Variants in NFIA observed in about 807,000 individuals in gnomAD.
NFIA encodes nuclear factor I A.
NFIA carries 8 observed loss-of-function variants against 62.8 expected under a neutral mutation model. The observed-to-expected ratio is 0.13, with a 90% confidence interval of 0.07 to 0.23. The LOEUF (loss-of-function observed/expected upper bound fraction) is 0.23, where lower values mean the gene tolerates loss of function less well. Among genes scored for constraint, NFIA ranks in the 10% least tolerant of loss-of-function variants. The pLI is 1.00. For synonymous variants in NFIA, 235 were observed against 238.1 expected (o/e 0.99, Z 0.12); for missense variants, 410 against 642.1 (o/e 0.64, Z 3.91).
At position 61,088,713 on chromosome 1, in the gene NFIA, C is replaced by G; in HGVS notation, c.559+33C>G. ...CGATGGTGAGAATTCCTCCCACTTT[C>G]TTGTGTGTGTTTCTTTCCTGATGGC... is the stretch of plus-strand genomic sequence containing the variant. On this transcript the variant is annotated intron_variant, in intron 2 of 10. Transcript: ENST00000403491. The surrounding 1 kb of genome is among the most constrained non-coding windows in gnomAD (Gnocchi z 4.5). 1 of 1,582,720 alleles carries G rather than the reference C, an allele frequency of 6.3e-7. No homozygotes were observed. Among genetic ancestry groups the G allele is most frequent in the Non-Finnish European group, 8.6e-7 (1 of 1,165,232 alleles).
At chr1:61,270,869 T>C (rs1451478713) in intron 2 of NFIA, among the ~76,000 whole-genome samples, 1 of 152,194 alleles carries the variant, frequency 6.6e-6, no homozygotes, top group Non-Finnish European at 1.5e-5. Flanking sequence ...ACACAGCGCC[T>C]CTTATGGGGA....
chr1:61,078,599 T>G (rs888906526), upstream of NFIA, among the ~76,000 whole-genome samples: 1 of 152,236 alleles, frequency 6.6e-6, no homozygotes, highest in Non-Finnish European at 1.5e-5. Context: ...CCTCTCTTCT[T>G]GAACTCTAAA....
At chr1:61,289,693 A>T (rs899426730) in intron 3 of NFIA, among the ~76,000 whole-genome samples, 1 of 152,216 alleles carries the variant, frequency 6.6e-6, no homozygotes, top group African/African-American at 2.4e-5. Context: ...TGTTCTGAGC[A>T]CAAACAACGT....
intron 2 of NFIA, among the ~76,000 whole-genome samples, chr1:61,109,321 C>G (rs1326956257): frequency 6.6e-6 from 1 of 151,826 alleles, no homozygotes; most frequent in East Asian, 1.9e-4. Flanking sequence ...CCCTCCATCT[C>G]TACAGATGGC....
intron 2 of NFIA, among the ~76,000 whole-genome samples, chr1:61,120,009 G>T (rs1236617376): frequency 6.6e-6 from 1 of 152,204 alleles, no homozygotes; most frequent in Admixed American, 6.5e-5. Context: ...ACATCGCAAA[G>T]AAATCTGATC....
At chr1:61,418,742 C>T (rs1375195235) in intron 9 of NFIA, among the ~76,000 whole-genome samples, 1 of 152,136 alleles carries the variant, frequency 6.6e-6, no homozygotes, top group Non-Finnish European at 1.5e-5. Context: ...TAATGAACAT[C>T]TTGTAGCATA....
chr1:61,266,243 A>G (rs533033564), intron 2 of NFIA, among the ~76,000 whole-genome samples: 26 of 152,152 alleles, frequency 1.7e-4, no homozygotes, highest in African/African-American at 6.3e-4. Flanking sequence ...GAAACATACC[A>G]TCTTCCAGTC....
intron 3 of NFIA, among the ~76,000 whole-genome samples, chr1:61,283,497 G>C (rs147253490): frequency 0.014 from 1,917 of 141,172 alleles, 50 homozygotes; most frequent in African/African-American, 0.048. Context: ...CAGGAGAATC[G>C]TATGAACCCA....
chr1:61,227,912 A>T (rs1335076728), intron 2 of NFIA, among the ~76,000 whole-genome samples: 1 of 152,140 alleles, frequency 6.6e-6, no homozygotes, highest in Non-Finnish European at 1.5e-5. Context: ...ATTATTATAA[A>T]TTTTTGTGCT....
chr1:61,344,425 C>T (rs527629618), intron 4 of NFIA, among the ~76,000 whole-genome samples: 153 of 152,314 alleles, frequency 1.0e-3, no homozygotes, highest in African/African-American at 3.6e-3. Context: ...CAAAGTCTCA[C>T]TGAGTGTTTT....
intron 2 of NFIA, among the ~76,000 whole-genome samples, chr1:61,154,608 G>T (rs751140511): frequency 6.6e-6 from 1 of 152,102 alleles, no homozygotes; most frequent in African/African-American, 2.4e-5. Flanking sequence ...ACGCCACCCT[G>T]CCTGGCTAAT....
chr1:61,095,273 A>G (rs942922349), intron 2 of NFIA, among the ~76,000 whole-genome samples: 1 of 152,226 alleles, frequency 6.6e-6, no homozygotes, highest in African/African-American at 2.4e-5. Flanking sequence ...GCAGGCACTG[A>G]GTAAGGTTTG....
intron 3 of NFIA, among the ~76,000 whole-genome samples, chr1:61,323,510 T>A (rs1660781956): frequency 6.6e-6 from 1 of 152,228 alleles, no homozygotes; most frequent in African/African-American, 2.4e-5. Flanking sequence ...TATCTGAATT[T>A]TTGCATTTCT....
chr1:61,094,040 A>G (rs1385175560), intron 2 of NFIA, among the ~76,000 whole-genome samples: 1 of 152,208 alleles, frequency 6.6e-6, no homozygotes, highest in Non-Finnish European at 1.5e-5. Context: ...ATTGCTCACA[A>G]ATGTCAATAT....
intron 6 of NFIA, among the ~76,000 whole-genome samples, chr1:61,374,924 A>C (rs900814565): frequency 1.3e-5 from 2 of 152,236 alleles, no homozygotes; most frequent in African/African-American, 2.4e-5. Flanking sequence ...GCTAATCATA[A>C]AAAATTATAT....
intron 6 of NFIA, among the ~76,000 whole-genome samples, chr1:61,361,334 GAA>G (rs1384569225): frequency 6.6e-6 from 1 of 152,170 alleles, no homozygotes; most frequent in Admixed American, 6.5e-5. Flanking sequence ...TAGTGCCAAT[GAA>G]AAGTTTATGT....
chr1:61,191,123 T>A (rs1433790135), intron 2 of NFIA, among the ~76,000 whole-genome samples: 1 of 152,066 alleles, frequency 6.6e-6, no homozygotes, highest in Non-Finnish European at 1.5e-5. Context: ...AATGTTACAA[T>A]GCTTAGCTAC....
intron 3 of NFIA, among the ~76,000 whole-genome samples, chr1:61,284,043 A>T (rs1658327770): frequency 6.6e-6 from 1 of 152,182 alleles, no homozygotes; most frequent in Non-Finnish European, 1.5e-5. Context: ...AATTTGCATG[A>T]CTTTCTTTTA....
intron 1 of NFIA, among the ~76,000 whole-genome samples, chr1:61,083,436 G>A (rs1359014882): frequency 6.6e-6 from 1 of 152,100 alleles, no homozygotes; most frequent in African/African-American, 2.4e-5. Context: ...TTCGGGGTCC[G>A]GCCGCGGAAA....
Sources: allele counts gnomAD v4.1 joint callset (sites outside exome capture counted in the v4.1 genomes callset), GRCh38; gene constraint gnomAD v4.1.1; non-coding constraint Gnocchi (gnomAD v3.1); transcripts MANE v1.5; gene names NCBI Gene and HGNC (gene_info 2026-07-23, HGNC 2026-07-21).